The following GRIP1 variants were observed in gnomAD, a reference collection of about 807,000 sequenced individuals.
GRIP1 encodes glutamate receptor-interacting protein 1.
In GRIP1, 45 loss-of-function variants were observed where a neutral mutation model predicts 129.9. The ratio of observed to expected loss-of-function variants is 0.35; its 90% CI spans 0.27 to 0.44. The LOEUF is 0.44. GRIP1 is among the 20% of genes least tolerant of loss of function. The pLI is 1.00. For synonymous variants in GRIP1, 530 were observed against 520.8 expected (o/e 1.02, Z -0.24); for missense variants, 1,196 against 1,396.8 (o/e 0.86, Z 2.29).
chr12:66,635,589 C>T (rs983668075), intron 1 of GRIP1, among the ~76,000 whole-genome samples: 2 of 151,878 alleles, frequency 1.3e-5, no homozygotes, highest in Admixed American at 6.6e-5. Context: ...AAGAAAACAT[C>T]GTAAATTCCA....
At chr12:66,794,292 T>C (rs2038633717) in intron 1 of GRIP1, among the ~76,000 whole-genome samples, 1 of 152,210 alleles carries the variant, frequency 6.6e-6, no homozygotes, top group Non-Finnish European at 1.5e-5. Context: ...CTTATGGGAA[T>C]CAGTCTTCTT....
chr12:66,541,997 C>T (rs1672187628), intron 2 of GRIP1, 47 bp from the exon 3 acceptor site: 3 of 1,566,378 alleles, frequency 1.9e-6, no homozygotes, highest in Non-Finnish European at 8.8e-7. Context: ...AGTAGAATCA[C>T]CAATGTCATT....
At chr12:66,973,577 G>C (rs2042107564) in intron 1 of GRIP1, among the ~76,000 whole-genome samples, 1 of 151,656 alleles carries the variant, frequency 6.6e-6, no homozygotes, top group Non-Finnish European at 1.5e-5. Context: ...ACCTCTATTG[G>C]CTTAAATCAA....
chr12:66,940,174 A>C (rs1262907448), intron 1 of GRIP1, among the ~76,000 whole-genome samples: 3 of 151,904 alleles, frequency 2.0e-5, no homozygotes, highest in Non-Finnish European at 4.4e-5. Context: ...GTGTGTTTGG[A>C]GCTCATGCCG....
At chr12:66,554,504 GA>G (rs2062252196) in intron 2 of GRIP1, among the ~76,000 whole-genome samples, 1 of 151,978 alleles carries the variant, frequency 6.6e-6, no homozygotes. Context: ...CTCTGCTTGA[GA>G]AAAACAGAGG....
At chr12:66,447,586 C>CT (rs1227162688) in intron 11 of GRIP1, among the ~76,000 whole-genome samples, 1 of 152,082 alleles carries the variant, frequency 6.6e-6, no homozygotes, top group African/African-American at 2.4e-5. Context: ...TTCCCTCTTC[C>CT]TTTTTTCCCC....
chr12:66,896,403 C>A (rs1477008870), intron 1 of GRIP1, among the ~76,000 whole-genome samples: 3 of 142,212 alleles, frequency 2.1e-5, no homozygotes, highest in Non-Finnish European at 4.5e-5. Flanking sequence ...AAGCAGATGG[C>A]AAGGGAGATC....
At chr12:66,602,925 C>G (rs1450425481) in intron 1 of GRIP1, among the ~76,000 whole-genome samples, 2 of 124,286 alleles carry the variant, frequency 1.6e-5, no homozygotes, top group Non-Finnish European at 1.6e-5. Flanking sequence ...GTGATATGAT[C>G]GTGGCTCACT....
Position 66,845,181 on chromosome 12 carries a change from G to A in GRIP1, c.58+223869C>T, listed in dbSNP as rs1203474119. On this transcript the variant is annotated intron_variant, in intron 1 of 1. Coordinates refer to the GRIP1 transcript ENST00000643019. ...GTTTAAAGATCAATATAGGGTCTGG[G>A]CATGGTGACTCACAAATATAATCCC... Among the ~76,000 whole-genome samples the A allele has an allele frequency of 2.6e-5, 4 of 152,154 alleles. No individual in the cohort carries two copies. The East Asian group carries it at 7.7e-4, about 29-fold the overall frequency.
Position 66,897,636 on chromosome 12 carries a change from C to T in GRIP1, c.58+171414G>A, listed in dbSNP as rs574622963. ...AGGGTTTTCTCTAAATAGAGATTTT[C>T]ACAAACAGTTGATGAAATGGCAGTA... On this transcript the variant is annotated intron_variant, in intron 1 of 1. Coordinates refer to the GRIP1 transcript ENST00000643019. Among the ~76,000 whole-genome samples the T allele has an allele frequency of 2.6e-5, 4 of 152,288 alleles. No homozygotes were observed. The East Asian group carries it at 7.7e-4, about 29-fold the overall frequency.
Position 66,353,487 on chromosome 12 carries a change from T to G in GRIP1, c.3089A>C (p.Tyr1030Ser). 6.2e-7 allele frequency: 1 copy of G among 1,612,958 alleles called. No homozygotes were observed. The highest frequency in any genetic ancestry group is 8.5e-7 in the Non-Finnish European group (1 of 1,178,950). ...CCCAGCTGGGCGAATATTTTTGACA[T>G]ACACTCCTTTCTCCAGTAAGCCATC... ...VADGLLEKGV[Y>S]VKNIRPAGPG... Residue 1030 changes from tyrosine (Y) to serine (S), a missense_variant, in exon 24 of 25, where the codon TAT (tyrosine) becomes TCT (serine). Coordinates refer to ENST00000359742, the MANE Select transcript of GRIP1 (RefSeq NM_001366722.1).
intron 1 of GRIP1, among the ~76,000 whole-genome samples, chr12:66,771,305 A>G (rs1304840860): frequency 6.6e-6 from 1 of 152,162 alleles, no homozygotes; most frequent in Non-Finnish European, 1.5e-5. Flanking sequence ...TTCCAACCTG[A>G]TACTCAAATG....
chr12:66,615,140 T>C (rs1241827544), intron 1 of GRIP1, among the ~76,000 whole-genome samples: 5 of 152,198 alleles, frequency 3.3e-5, no homozygotes, highest in African/African-American at 9.6e-5. Flanking sequence ...TCTTGGCACA[T>C]AGTTGATATT....
chr12:66,841,686 G>A (rs560167136), intron 1 of GRIP1, among the ~76,000 whole-genome samples: 12 of 152,232 alleles, frequency 7.9e-5, no homozygotes, highest in Non-Finnish European at 1.6e-4. Flanking sequence ...ATAAAGGTGT[G>A]GCCATAAAGG....
chr12:66,980,824 G>A (rs1461306237), intron 1 of GRIP1, among the ~76,000 whole-genome samples: 1 of 152,144 alleles, frequency 6.6e-6, no homozygotes, highest in Admixed American at 6.5e-5. Flanking sequence ...CACACTGGAT[G>A]TAGTTTCGAT....
chr12:66,693,734 T>G (rs1402835892), intron 1 of GRIP1, among the ~76,000 whole-genome samples: 1 of 152,214 alleles, frequency 6.6e-6, no homozygotes, highest in East Asian at 1.9e-4. Context: ...TATGGGTCTA[T>G]TCATGGACAA....
At position 66,591,871 on chromosome 12, in the gene GRIP1, C is replaced by T. The variant is rs114555104; in HGVS notation, c.136+4976G>A. ...AACTCCCAAGCTGAAGAGATCTGCCCGCCTTGGCCTCCCAAAGTTCTGGGA... is the reference window on the plus strand; with the variant it reads ...AACTCCCAAGCTGAAGAGATCTGCCTGCCTTGGCCTCCCAAAGTTCTGGGA... On this transcript the variant is annotated intron_variant, in intron 2 of 24. Coordinates refer to ENST00000359742, the MANE Select transcript of GRIP1 (RefSeq NM_001366722.1). Among the ~76,000 whole-genome samples, 258 of 152,178 alleles carry T rather than the reference C, an allele frequency of 1.7e-3. 1 individual carries two copies. The highest frequency in any genetic ancestry group is 5.7e-3 in the African/African-American group (235 of 41,514).
At position 66,348,500 on chromosome 12, in the gene GRIP1, TA is replaced by T. The variant is rs1452469462; in HGVS notation, c.*518del. 6.1e-6 allele frequency: 1 copy of T among 164,208 alleles called. No individual in the cohort carries two copies. Among genetic ancestry groups the T allele is most frequent in the East Asian group, 1.7e-4 (1 of 5,890 alleles). 10.2% of individuals were successfully genotyped at this position (164,208 alleles called of 1,614,324 possible). A position where few individuals can be genotyped will look rare whatever the true frequency, so the allele number is the denominator to read the frequency against. ...ATTGCTGAAACATTTTAAGATAACT[TA>T]ATTTTATACCTGTACCCCTCCCATT... On this transcript the variant is annotated 3_prime_UTR_variant, in exon 25 of 25. Coordinates refer to ENST00000359742, the MANE Select transcript of GRIP1 (RefSeq NM_001366722.1).
rs186618825 is a variant in GRIP1 at position 67,044,520 on chromosome 12, C to A, written c.58+24530G>T. Among the ~76,000 whole-genome samples, 7 of 152,258 alleles carry A rather than the reference C, an allele frequency of 4.6e-5. No individual in the cohort carries two copies. The East Asian group carries it at 1.2e-3, about 25-fold the overall frequency. On this transcript the variant is annotated intron_variant, in intron 1 of 1. Coordinates refer to the GRIP1 transcript ENST00000643019. ...GTGGCTGTACATTTCCCTTAAAAAT[C>A]TTTGAAAGATAAAGCTACTGTGAAA...
Sources: gnomAD v4.1 joint callset for allele counts (sites outside exome capture counted in the v4.1 genomes callset) on GRCh38, gnomAD v4.1.1 for gene constraint, MANE v1.5 for transcripts, NCBI Gene and HGNC (gene_info 2026-07-23, HGNC 2026-07-21) for gene names.